Variants in PRKG1 observed in about 807,000 individuals in gnomAD.
PRKG1 encodes protein kinase cGMP-dependent 1, also known as cGMP-dependent protein kinase 1.
Under a neutral mutation model 88.1 loss-of-function variants are expected in PRKG1, and 35 were observed. The ratio of observed to expected loss-of-function variants is 0.40; its 90% confidence interval spans 0.30 to 0.53. PRKG1 has a LOEUF of 0.53. Ranked by LOEUF, PRKG1 falls within the 20% of genes least tolerant of loss-of-function variation. The pLI, the probability that PRKG1 is intolerant of heterozygous loss-of-function variation, is 0.59. For synonymous variants in PRKG1, 303 were observed against 292.5 expected, an observed-to-expected ratio of 1.04 and a Z score of -0.37; for missense variants, 540 against 839.8, an observed-to-expected ratio of 0.64 and a Z score of 4.41.
intron 1 of PRKG1, among the ~76,000 whole-genome samples, chr10:51,082,605 T>C (rs1252757573): frequency 6.6e-6 from 1 of 152,190 alleles, no homozygotes; most frequent in Non-Finnish European, 1.5e-5. Context: ...TTGTTGTGTG[T>C]GTACATTTGT....
intron 2 of PRKG1, among the ~76,000 whole-genome samples, chr10:51,377,811 T>C (rs1842846464): frequency 1.3e-5 from 2 of 152,232 alleles, no homozygotes; most frequent in African/African-American, 4.8e-5. Flanking sequence ...GTGCCACCTG[T>C]GCTTCATTGC....
At chr10:51,333,958 G>T (rs761603953) in intron 2 of PRKG1, among the ~76,000 whole-genome samples, 2 of 152,078 alleles carry the variant, frequency 1.3e-5, no homozygotes, top group African/African-American at 4.8e-5. Flanking sequence ...TTAACAAATT[G>T]CACCCAGAGT....
At chr10:51,624,625 T>C (rs192369621) in intron 3 of PRKG1, among the ~76,000 whole-genome samples, 157 of 152,368 alleles carry the variant, frequency 1.0e-3, no homozygotes, top group African/African-American at 3.6e-3. Context: ...TCAGTGTTTC[T>C]CTTCAAATGG....
At chr10:52,223,595 G>T (rs182785498) in intron 9 of PRKG1, among the ~76,000 whole-genome samples, 1 of 152,014 alleles carries the variant, frequency 6.6e-6, no homozygotes, top group African/African-American at 2.4e-5. Context: ...CTTTCGATAC[G>T]CTCTACATGC....
intron 4 of PRKG1, among the ~76,000 whole-genome samples, chr10:51,871,131 G>A (rs564208675): frequency 2.0e-5 from 3 of 152,192 alleles, no homozygotes; most frequent in African/African-American, 7.2e-5. Context: ...CTGATTTTTT[G>A]TGGGTCATTT....
intron 5 of PRKG1, among the ~76,000 whole-genome samples, chr10:51,930,491 TCC>T (rs751732699): frequency 0.02 from 2,600 of 130,254 alleles, 122 homozygotes; most frequent in African/African-American, 0.07. Context: ...CCTTTTTTTT[TCC>T]TCTTTTTTTT....
intron 3 of PRKG1, among the ~76,000 whole-genome samples, chr10:51,506,150 T>A (rs368251569): frequency 6.6e-6 from 1 of 152,094 alleles, no homozygotes; most frequent in African/African-American, 2.4e-5. Context: ...ATACAAAAAT[T>A]AATTCAAGAT....
chr10:52,133,916 T>C lies in PRKG1; in HGVS notation c.1001+11T>C, dbSNP rs1837331661. 5 of 1,605,692 alleles carry C rather than the reference T, an allele frequency of 3.1e-6. No individual in the cohort carries two copies. Among genetic ancestry groups the C allele is most frequent in the Non-Finnish European group, 4.3e-6 (5 of 1,173,190 alleles). ...TGTGATTGACAGAGAGTAAGTACAT[T>C]GTTTTATTATGTGAATTACACACTC... is the stretch of plus-strand genomic sequence containing the variant. On this transcript the variant is annotated intron_variant, in intron 8 of 17. Transcript: ENST00000373980.
chr10:51,312,683 A>ATC (rs1841219988), intron 2 of PRKG1, among the ~76,000 whole-genome samples: 1 of 150,814 alleles, frequency 6.6e-6, no homozygotes, highest in Non-Finnish European at 1.5e-5. Context: ...AGATGGATAT[A>ATC]TGTGTGTGTG....
intron 4 of PRKG1, among the ~76,000 whole-genome samples, chr10:51,877,924 A>C (rs138407457): frequency 3.3e-4 from 51 of 152,308 alleles, no homozygotes; most frequent in Admixed American, 8.5e-4. Context: ...AGAAAGTAAG[A>C]TGAAATTTCA....
At chr10:51,634,026 A>C (rs1473557770) in intron 3 of PRKG1, among the ~76,000 whole-genome samples, 3 of 152,174 alleles carry the variant, frequency 2.0e-5, no homozygotes, top group African/African-American at 7.2e-5. Flanking sequence ...TCATTAATTT[A>C]TAAAATTTCA....
At chr10:51,717,655 C>A (rs1470382053) in intron 3 of PRKG1, among the ~76,000 whole-genome samples, 1 of 151,988 alleles carries the variant, frequency 6.6e-6, no homozygotes, top group African/African-American at 2.4e-5. Context: ...CATGGTGAAA[C>A]CCTGTCTCTA....
rs149650995 is a variant in PRKG1 at position 51,982,467 on chromosome 10, C to T, written c.763-72017C>T. Reference sequence around the variant, plus strand: ...CTGATGTTTCTTCATGCTTTGAAGTCGCTGACGTTTTGATTTATTTTCTTT... The same window carrying T: ...CTGATGTTTCTTCATGCTTTGAAGTTGCTGACGTTTTGATTTATTTTCTTT... On this transcript the variant is annotated intron_variant, in intron 5 of 17. Coordinates refer to ENST00000373980, the MANE Select transcript of PRKG1 (RefSeq NM_006258.4). Among the ~76,000 whole-genome samples the T allele has an allele frequency of 3.3e-4, 51 of 152,270 alleles. No individual in the cohort carries two copies. In the East Asian group the frequency reaches 5.2e-3, roughly 16 times the overall value.
intron 5 of PRKG1, among the ~76,000 whole-genome samples, chr10:52,005,767 C>A (rs1844718697): frequency 6.6e-6 from 1 of 152,050 alleles, no homozygotes; most frequent in Non-Finnish European, 1.5e-5. Context: ...ATCTTACCTC[C>A]CATAGCCAAA....
At chr10:51,794,299 C>T (rs968748154) in intron 3 of PRKG1, among the ~76,000 whole-genome samples, 2 of 151,950 alleles carry the variant, frequency 1.3e-5, no homozygotes, top group Non-Finnish European at 2.9e-5. Flanking sequence ...ATGGACAGAT[C>T]ATACAGACAG....
chr10:51,444,066 A>G (rs1057175013), intron 2 of PRKG1, among the ~76,000 whole-genome samples: 1 of 151,782 alleles, frequency 6.6e-6, no homozygotes, highest in African/African-American at 2.4e-5. Context: ...TTTCTTACAT[A>G]AAGAACCATG....
intron 5 of PRKG1, among the ~76,000 whole-genome samples, chr10:51,970,248 C>T (rs1014367131): frequency 3.9e-5 from 6 of 151,964 alleles, no homozygotes; most frequent in Non-Finnish European, 7.4e-5. Flanking sequence ...ACCTTTAATA[C>T]GTTTAACTTT....
At chr10:51,192,351 G>A (rs919072156) in intron 2 of PRKG1, among the ~76,000 whole-genome samples, 11 of 151,808 alleles carry the variant, frequency 7.2e-5, no homozygotes. Context: ...TTTCTTATCT[G>A]TAAAATAGAA....
intron 3 of PRKG1, among the ~76,000 whole-genome samples, chr10:51,671,771 A>G (rs926307931): frequency 6.6e-6 from 1 of 151,928 alleles, no homozygotes; most frequent in Non-Finnish European, 1.5e-5. Context: ...TATTTTTTGT[A>G]GGGACGGGGT....
Sources: gnomAD v4.1 joint callset for allele counts (sites outside exome capture counted in the v4.1 genomes callset) on GRCh38, gnomAD v4.1.1 for gene constraint, MANE v1.5 for transcripts, NCBI Gene and HGNC (gene_info 2026-07-23, HGNC 2026-07-21) for gene names.